The following GPR137C variants were observed in gnomAD, a reference collection of about 807,000 sequenced individuals.
The protein encoded by GPR137C is integral membrane protein GPR137C.
GPR137C carries 27 observed loss-of-function variants against 43.4 expected under a neutral mutation model. The ratio of observed to expected loss-of-function variants is 0.62; its 90% CI spans 0.46 to 0.86. The LOEUF is 0.86. Among genes scored for constraint, GPR137C ranks in the 40% least tolerant of loss-of-function variants. The pLI is 0.00. For synonymous variants in GPR137C, 285 were observed against 226.9 expected (o/e 1.26, Z -2.30); for missense variants, 522 against 534.6 (o/e 0.98, Z 0.23).
intron 3 of GPR137C, among the ~76,000 whole-genome samples, chr14:52,620,349 G>A (rs1250126585): frequency 1.3e-5 from 2 of 152,002 alleles, no homozygotes; most frequent in African/African-American, 2.4e-5. Flanking sequence ...GCTCCAAACA[G>A]CACAGTTAAA....
chr14:52,578,740 T>C (rs1209712508), intron 1 of GPR137C, among the ~76,000 whole-genome samples: 1 of 152,088 alleles, frequency 6.6e-6, no homozygotes, highest in African/African-American at 2.4e-5. Context: ...GATCAGGAGT[T>C]CGAGACCAGC....
intron 1 of GPR137C, among the ~76,000 whole-genome samples, chr14:52,573,814 A>G (rs2038508514): frequency 6.6e-6 from 1 of 152,212 alleles, no homozygotes; most frequent in African/African-American, 2.4e-5. Flanking sequence ...AAATTGTTGC[A>G]ATCTATCCAT....
intron 3 of GPR137C, among the ~76,000 whole-genome samples, chr14:52,620,724 A>G (rs1258068349): frequency 6.6e-6 from 1 of 152,008 alleles, no homozygotes; most frequent in Admixed American, 6.6e-5. Context: ...AAGAGAAATA[A>G]AAACTATTAA....
chr14:52,604,153 G>T (rs1368813755), intron 3 of GPR137C, among the ~76,000 whole-genome samples: 1 of 151,948 alleles, frequency 6.6e-6, no homozygotes, highest in Admixed American at 6.6e-5. Flanking sequence ...ATATATTCTG[G>T]TTATTAATCC....
intron 1 of GPR137C, among the ~76,000 whole-genome samples, chr14:52,592,039 A>G (rs2038791277): frequency 6.6e-6 from 1 of 152,230 alleles, no homozygotes; most frequent in South Asian, 2.1e-4. Context: ...AGCTTTCTGC[A>G]TATAGCTAGC....
intron 1 of GPR137C, among the ~76,000 whole-genome samples, chr14:52,573,346 A>G (rs931420351): frequency 2.0e-5 from 3 of 152,222 alleles, no homozygotes; most frequent in South Asian, 2.1e-4. Flanking sequence ...CAGTAACCAA[A>G]ACAGCATGGT....
intron 1 of GPR137C, among the ~76,000 whole-genome samples, chr14:52,585,548 C>T (rs930056597): frequency 3.3e-5 from 5 of 152,084 alleles, no homozygotes; most frequent in African/African-American, 1.2e-4. Flanking sequence ...GTACACAAGA[C>T]CAAGGCCAGG....
intron 1 of GPR137C, among the ~76,000 whole-genome samples, chr14:52,568,883 C>T (rs1440329938): frequency 6.6e-6 from 1 of 152,216 alleles, no homozygotes; most frequent in Non-Finnish European, 1.5e-5. Flanking sequence ...CAGACTTAAA[C>T]ATTACTGCCT....
chr14:52,572,732 G>A (rs2038491043), intron 1 of GPR137C, among the ~76,000 whole-genome samples: 1 of 152,136 alleles, frequency 6.6e-6, no homozygotes, highest in Non-Finnish European at 1.5e-5. Context: ...ACATAGTATT[G>A]GAAGTTCTGG....
In GPR137C at chr14:52,553,054, G is replaced by C. The variant is rs930210630; in HGVS notation, c.-94G>C. On this transcript the variant is annotated 5_prime_UTR_variant, in exon 1 of 7. Transcript: ENST00000321662. ...CCTGGGGTTAGAGGCTGGGGTGGGT[G>C]GGGGGTAAGGGGGCAGTCCTTCTCC... 15 of 574,216 alleles carry C rather than the reference G, an allele frequency of 2.6e-5. No individual in the cohort carries two copies. Among genetic ancestry groups the C allele is most frequent in the East Asian group, 8.5e-5 (1 of 11,698 alleles). 35.6% of individuals were successfully genotyped at this position (574,216 alleles called of 1,614,324 possible).
chr14:52,561,431 G>A (rs535131277), intron 1 of GPR137C, among the ~76,000 whole-genome samples: 6 of 152,268 alleles, frequency 3.9e-5, no homozygotes, highest in African/African-American at 1.2e-4. Context: ...AGCATAGCAA[G>A]ACCCTGTCTC....
rs1385183204 is a variant in GPR137C at position 52,553,057 on chromosome 14, G to A, written c.-91G>A. 6 of 618,038 alleles carry A rather than the reference G, an allele frequency of 9.7e-6. No individual in the cohort carries two copies. 38.3% of individuals were successfully genotyped at this position (618,038 alleles called of 1,614,324 possible). On this transcript the variant is annotated 5_prime_UTR_variant, in exon 1 of 7. Transcript: ENST00000321662. ...GGGGTTAGAGGCTGGGGTGGGTGGG[G>A]GGTAAGGGGGCAGTCCTTCTCCCCT...
rs772114550 is a variant in GPR137C, at chr14:52,632,142, G to T, written c.718-18G>T. ...AAATGTGTAGAATACTAAAGATGAT[G>T]ATTTTTATTTGTTTTAGGGTATGTC... On this transcript the variant is annotated intron_variant, in intron 3 of 6. Transcript: ENST00000321662. 1.6e-5 allele frequency: 25 copies of T among 1,580,110 alleles called. No individual in the cohort carries two copies. The highest frequency in any genetic ancestry group is 2.2e-5 in the South Asian group (2 of 89,736).
In GPR137C at chr14:52,600,205, A is replaced by C; in HGVS notation, c.581A>C (p.Glu194Ala). 2 of 1,613,930 alleles carry C rather than the reference A, an allele frequency of 1.2e-6. No individual in the cohort carries two copies. The highest frequency in any genetic ancestry group is 1.7e-6 in the Non-Finnish European group (2 of 1,179,824). The change falls in exon 3 of 7, where the codon GAA (glutamate) becomes GCA (alanine). Residue 194 changes from glutamate (E) to alanine (A), a missense_variant. Physicochemically the swap from Glu to Ala is moderately radical, Grantham distance 107. Transcript: ENST00000321662. ...CAMLVHGDVPENQLKWTVFVR... is the reference protein window; with the variant it reads ...CAMLVHGDVPANQLKWTVFVR... ...ATGCTAGTTCATGGAGATGTCCCAG[A>C]AAATCAGTTGAAGTGGACTGTGTTT...
At chr14:52,561,474 T>C (rs2038282963) in intron 1 of GPR137C, among the ~76,000 whole-genome samples, 1 of 152,138 alleles carries the variant, frequency 6.6e-6, no homozygotes, top group Admixed American at 6.5e-5. Flanking sequence ...ATCTAGCCAT[T>C]ATAGATATTT....
rs374525894 is a variant in GPR137C at position 52,580,425 on chromosome 14, C to T, written c.445-17847C>T. 1.1e-4 allele frequency among the ~76,000 whole-genome samples: 17 copies of T among 152,236 alleles called. No individual in the cohort carries two copies. The South Asian group carries it at 3.3e-3, about 30-fold the overall frequency. On this transcript the variant is annotated intron_variant, in intron 1 of 6. Coordinates refer to ENST00000321662, the MANE Select transcript of GPR137C (RefSeq NM_001099652.2). ...TAGCCCAAGCTGGAGTTCGGTGGCA[C>T]GATCTCGGCTCACTGCAATCTTCGC...
At chr14:52,624,045 A>G (rs1282213160) in intron 3 of GPR137C, among the ~76,000 whole-genome samples, 2 of 151,618 alleles carry the variant, frequency 1.3e-5, no homozygotes, top group South Asian at 2.1e-4. Context: ...ATATGAAAAT[A>G]TATATAATTT....
At chr14:52,574,615 T>C (rs1365913487) in intron 1 of GPR137C, among the ~76,000 whole-genome samples, 1 of 152,180 alleles carries the variant, frequency 6.6e-6, no homozygotes, top group Non-Finnish European at 1.5e-5. Flanking sequence ...CTAATGTAGA[T>C]GACAGGTTGA....
intron 1 of GPR137C, among the ~76,000 whole-genome samples, chr14:52,571,421 AAAAG>A (rs2038466380): frequency 6.6e-6 from 1 of 152,124 alleles, no homozygotes; most frequent in Non-Finnish European, 1.5e-5. Flanking sequence ...GTCACAACTA[AAAAG>A]AACTAGAGAG....
Sources: allele counts gnomAD v4.1 joint callset (sites outside exome capture counted in the v4.1 genomes callset), GRCh38; gene constraint gnomAD v4.1.1; transcripts MANE v1.5; gene names NCBI Gene and HGNC (gene_info 2026-07-23, HGNC 2026-07-21).